TK2: variants seen among roughly 807,000 people sequenced by gnomAD.
The protein encoded by TK2 is thymidine kinase 2.
In TK2, 35 loss-of-function variants were observed where a neutral mutation model predicts 41.9. The ratio of observed to expected loss-of-function variants is 0.84; its 90% CI spans 0.64 to 1.11. The LOEUF (loss-of-function observed/expected upper bound fraction) is 1.11. Among genes scored for constraint, TK2 ranks in the 50% least tolerant of loss-of-function variants. TK2 has a pLI of 0.00. For synonymous variants in TK2, 128 were observed against 129.1 expected, an observed-to-expected ratio of 0.99 and a Z score of 0.06; for missense variants, 320 against 351.1, an observed-to-expected ratio of 0.91 and a Z score of 0.71.
intron 8 of TK2, among the ~76,000 whole-genome samples, chr16:66,516,593 C>T (rs1175530227): frequency 1.3e-5 from 2 of 152,148 alleles, no homozygotes; most frequent in Non-Finnish European, 2.9e-5. Context: ...GATGCACAGC[C>T]CGGGCCTATA....
At chr16:66,535,507 G>T (rs1019483574) in intron 4 of TK2, among the ~76,000 whole-genome samples, 5 of 152,188 alleles carry the variant, frequency 3.3e-5, no homozygotes, top group African/African-American at 9.7e-5. Context: ...GCACAGAGAA[G>T]AAATTCTTCT....
intron 8 of TK2, among the ~76,000 whole-genome samples, chr16:66,515,262 C>T (rs1964578464): frequency 6.6e-6 from 1 of 152,190 alleles, no homozygotes. Context: ...AGGCAGGGGC[C>T]CAGCCCTGGG....
At chr16:66,547,140 A>C (rs1173583507) in intron 2 of TK2, among the ~76,000 whole-genome samples, 10 of 152,156 alleles carry the variant, frequency 6.6e-5, no homozygotes, top group Non-Finnish European at 1.5e-5. Flanking sequence ...TGTGCCATGT[A>C]ATGGCTGCAC....
intron 6 of TK2, among the ~76,000 whole-genome samples, chr16:66,519,986 G>A (rs1964732649): frequency 6.6e-6 from 1 of 152,212 alleles, no homozygotes; most frequent in Non-Finnish European, 1.5e-5. Flanking sequence ...ACCAACTGGA[G>A]AGGGACATTC....
chr16:66,521,982 T>C (rs1964794168), intron 6 of TK2, among the ~76,000 whole-genome samples: 1 of 152,214 alleles, frequency 6.6e-6, no homozygotes, highest in South Asian at 2.1e-4. Flanking sequence ...AGCTCCCTTG[T>C]ATACGTTATT....
At chr16:66,524,422 A>G (rs1481420789) in intron 6 of TK2, among the ~76,000 whole-genome samples, 1 of 152,016 alleles carries the variant, frequency 6.6e-6, no homozygotes, top group Non-Finnish European at 1.5e-5. Context: ...TGCAGCCCTG[A>G]CCTCCTGGGC....
At chr16:66,538,694 T>C (rs570669017) in intron 3 of TK2, among the ~76,000 whole-genome samples, 1 of 152,232 alleles carries the variant, frequency 6.6e-6, no homozygotes, top group Non-Finnish European at 1.5e-5. Context: ...AGAAGTGGTA[T>C]AAAAGAGAGG....
intron 2 of TK2, among the ~76,000 whole-genome samples, chr16:66,543,916 A>C (rs1382765756): frequency 6.6e-6 from 1 of 152,272 alleles, no homozygotes; most frequent in South Asian, 2.1e-4. Flanking sequence ...AATGAACCCA[A>C]GGGAATGAAC....
intron 4 of TK2, among the ~76,000 whole-genome samples, chr16:66,533,577 T>G (rs551306414): frequency 6.6e-6 from 1 of 152,058 alleles, no homozygotes; most frequent in Non-Finnish European, 1.5e-5. Flanking sequence ...TAAATAAGTT[T>G]AAAATTTTTA....
chr16:66,537,628 A>G (rs1196487816), intron 3 of TK2, among the ~76,000 whole-genome samples: 1 of 152,158 alleles, frequency 6.6e-6, no homozygotes, highest in Admixed American at 6.5e-5. Flanking sequence ...ACATATCAGG[A>G]TCTCTGCTGG....
At chr16:66,548,355 A>G (rs1389209424) in intron 2 of TK2, among the ~76,000 whole-genome samples, 2 of 152,080 alleles carry the variant, frequency 1.3e-5, no homozygotes, top group Non-Finnish European at 2.9e-5. Context: ...GGAGCTAGGG[A>G]CTTTCAGTTC....
intron 4 of TK2, among the ~76,000 whole-genome samples, chr16:66,534,251 T>C (rs1965210732): frequency 6.6e-6 from 1 of 152,032 alleles, no homozygotes; most frequent in Non-Finnish European, 1.5e-5. Flanking sequence ...ACCCTGGACT[T>C]CTCAGCTGCC....
At chr16:66,520,039 G>A (rs1226327049) in intron 6 of TK2, among the ~76,000 whole-genome samples, 1 of 152,198 alleles carries the variant, frequency 6.6e-6, no homozygotes, top group African/African-American at 2.4e-5. Context: ...CAGAAGAGAA[G>A]AGTATTTGAC....
intron 6 of TK2, among the ~76,000 whole-genome samples, chr16:66,519,042 A>G (rs2144361191): frequency 6.6e-6 from 1 of 151,962 alleles, no homozygotes; most frequent in South Asian, 2.1e-4. Flanking sequence ...GCTCACTGCA[A>G]GCTCCGCCCC....
Position 66,535,130 on chromosome 16 carries a change from G to A in TK2, c.285+1834C>T, listed in dbSNP as rs569599139. Among the ~76,000 whole-genome samples the A allele has an allele frequency of 4.6e-5, 7 of 152,322 alleles. No individual in the cohort carries two copies. In the East Asian group the frequency reaches 5.8e-4, roughly 13 times the overall value. ...AAACACTCCCTCTTGCCTGATGGCC[G>A]CAGAAACAGTCACCTTTCTGCATCA... On this transcript the variant is annotated intron_variant, in intron 4 of 9. Coordinates refer to ENST00000544898, the MANE Select transcript of TK2 (RefSeq NM_004614.5).
At chr16:66,525,543 A>T (rs10492904) in intron 6 of TK2, among the ~76,000 whole-genome samples, 37,849 of 151,998 alleles carry the variant, frequency 0.25, 6,668 homozygotes, top group African/African-American at 0.49. Flanking sequence ...CTTCAGAGGA[A>T]TCCGATGAAA....
chr16:66,523,801 T>C (rs1342968608), intron 6 of TK2, among the ~76,000 whole-genome samples: 1 of 152,078 alleles, frequency 6.6e-6, no homozygotes, highest in Admixed American at 6.6e-5. Context: ...TGATCCAGCC[T>C]GAGCAACAGA....
chr16:66,529,521 TGG>T (rs1352432227), intron 5 of TK2, among the ~76,000 whole-genome samples: 2 of 152,184 alleles, frequency 1.3e-5, no homozygotes, highest in African/African-American at 4.8e-5. Flanking sequence ...AGGGTCGGGT[TGG>T]GGGTGACGTT....
rs1476262448 is a variant in TK2, at chr16:66,547,975, G to A, written c.156+1003C>T. On this transcript the variant is annotated intron_variant, in intron 2 of 9. Transcript: ENST00000544898. ...TAGCCAGGCACAGTGGCTCACACTTGTCATCACAGCTACTCAGGAGGCTGA... is the reference window on the plus strand; with the variant it reads ...TAGCCAGGCACAGTGGCTCACACTTATCATCACAGCTACTCAGGAGGCTGA... 3 of 1,288,724 alleles carry A rather than the reference G, an allele frequency of 2.3e-6. No homozygotes were observed. The East Asian group carries it at 1.7e-4, about 72-fold the overall frequency. 79.8% of individuals were successfully genotyped at this position (1,288,724 alleles called of 1,614,324 possible). A position where few individuals can be genotyped will look rare whatever the true frequency, so the allele number is the denominator to read the frequency against.
Sources: allele counts gnomAD v4.1 joint callset (sites outside exome capture counted in the v4.1 genomes callset), GRCh38; gene constraint gnomAD v4.1.1; transcripts MANE v1.5; gene names NCBI Gene and HGNC (gene_info 2026-07-23, HGNC 2026-07-21).